USP12: variants seen among roughly 807,000 people sequenced by gnomAD.
USP12 encodes ubiquitin carboxyl-terminal hydrolase 12.
USP12 carries 19 observed loss-of-function variants against 45.5 expected under a neutral mutation model. The ratio of observed to expected loss-of-function variants is 0.42; its 90% CI spans 0.29 to 0.61. USP12 has a LOEUF of 0.61. USP12 is among the 20% of genes least tolerant of loss of function. USP12 has a pLI of 0.22. For synonymous variants in USP12, 149 were observed against 148.8 expected (o/e 1.00, Z -0.01); for missense variants, 242 against 447.7 (o/e 0.54, Z 4.15).
intron 4 of USP12, among the ~76,000 whole-genome samples, chr13:27,094,526 A>C (rs906115017): frequency 6.6e-6 from 1 of 152,150 alleles, no homozygotes; most frequent in Non-Finnish European, 1.5e-5. Context: ...AAATGGAGAA[A>C]CACCACCACC....
chr13:27,151,817 ACAACT>A (rs1877580173), intron 1 of USP12, among the ~76,000 whole-genome samples: 1 of 152,192 alleles, frequency 6.6e-6, no homozygotes, highest in African/African-American at 2.4e-5. Flanking sequence ...CAATTAAAAG[ACAACT>A]CAAAGAACAG....
intron 1 of USP12, among the ~76,000 whole-genome samples, chr13:27,162,549 G>C (rs1270090648): frequency 6.6e-6 from 1 of 152,116 alleles, no homozygotes; most frequent in Non-Finnish European, 1.5e-5. Context: ...ATGACAGATA[G>C]AGAAAGACTA....
At chr13:27,161,799 T>G (rs1397501303) in intron 1 of USP12, among the ~76,000 whole-genome samples, 1 of 151,808 alleles carries the variant, frequency 6.6e-6, no homozygotes, top group Admixed American at 6.6e-5. Context: ...GGAGGATAGC[T>G]TGAGCCCGGG....
intron 1 of USP12, among the ~76,000 whole-genome samples, chr13:27,145,438 C>T (rs1199684282): frequency 6.6e-6 from 1 of 152,180 alleles, no homozygotes; most frequent in African/African-American, 2.4e-5. Context: ...CTTTAGAAAT[C>T]AATCAGTTAG....
chr13:27,144,184 G>A (rs1877199541), intron 1 of USP12, among the ~76,000 whole-genome samples: 1 of 151,782 alleles, frequency 6.6e-6, no homozygotes, highest in African/African-American at 2.4e-5. Flanking sequence ...GGGTGACAGA[G>A]TAAGACTCTG....
intron 1 of USP12, among the ~76,000 whole-genome samples, chr13:27,151,114 A>G (rs1877548764): frequency 6.6e-6 from 1 of 152,158 alleles, no homozygotes; most frequent in Non-Finnish European, 1.5e-5. Flanking sequence ...AGATCACTTG[A>G]GGCCAAGAGT....
At chr13:27,073,201 A>G (rs1873324730) in intron 7 of USP12, among the ~76,000 whole-genome samples, 2 of 151,754 alleles carry the variant, frequency 1.3e-5, no homozygotes, top group Admixed American at 6.6e-5. Context: ...CAGGAGAAAG[A>G]GTAAGACCCT....
intron 4 of USP12, 151 bp from the exon 5 acceptor site, chr13:27,090,309 C>A: frequency 1.7e-6 from 1 of 580,522 alleles, no homozygotes; most frequent in Non-Finnish European, 2.9e-6. Flanking sequence ...TTGGATTATC[C>A]AAAAGGACAC....
chr13:27,109,299 A>G (rs772899656), intron 2 of USP12, among the ~76,000 whole-genome samples: 30 of 152,238 alleles, frequency 2.0e-4, no homozygotes, highest in Non-Finnish European at 3.1e-4. Context: ...GCTCAAGTGA[A>G]CAACTGAATA....
intron 2 of USP12, among the ~76,000 whole-genome samples, chr13:27,107,281 C>T (rs1319689417): frequency 6.6e-6 from 1 of 152,116 alleles, no homozygotes; most frequent in Admixed American, 6.5e-5. Context: ...GCCAAGATCG[C>T]ACCACTGCAC....
chr13:27,143,449 T>C (rs1194641119), intron 1 of USP12, among the ~76,000 whole-genome samples: 2 of 152,060 alleles, frequency 1.3e-5, no homozygotes, highest in African/African-American at 4.8e-5. Context: ...TGCCTACTAA[T>C]AAACATGAAA....
intron 1 of USP12, among the ~76,000 whole-genome samples, chr13:27,126,653 C>T (rs1469032474): frequency 6.6e-6 from 1 of 152,164 alleles, no homozygotes; most frequent in Non-Finnish European, 1.5e-5. Flanking sequence ...CAATAAAACA[C>T]TGCCTCAGTT....
chr13:27,104,211 T>C lies in USP12; in HGVS notation c.343+1520A>G, dbSNP rs1565990748. Among the ~76,000 whole-genome samples, 3 of 152,270 alleles carry C rather than the reference T, an allele frequency of 2.0e-5. No homozygotes were observed. In the South Asian group the frequency reaches 6.2e-4, roughly 32 times the overall value. On this transcript the variant is annotated intron_variant, in intron 3 of 8. Coordinates refer to ENST00000282344, the MANE Select transcript of USP12 (RefSeq NM_182488.4). ...ACATCCGATTAATTTTTAAAATTTTTTGTGAGACAAGGTCTTGCTTTGCTG... is the reference window on the plus strand; with the variant it reads ...ACATCCGATTAATTTTTAAAATTTTCTGTGAGACAAGGTCTTGCTTTGCTG...
At chr13:27,121,300 T>C (rs1875972063) in intron 1 of USP12, among the ~76,000 whole-genome samples, 2 of 149,248 alleles carry the variant, frequency 1.3e-5, no homozygotes, top group Admixed American at 1.3e-4. Context: ...ACTGACTATG[T>C]GATCTTAAAA....
At chr13:27,150,303 C>G (rs1168700134) in intron 1 of USP12, among the ~76,000 whole-genome samples, 1 of 151,912 alleles carries the variant, frequency 6.6e-6, no homozygotes, top group Non-Finnish European at 1.5e-5. Context: ...TAAGACAACT[C>G]CATTCACAGT....
At chr13:27,077,474 G>A (rs2137756735) in intron 6 of USP12, 1 of 152,250 alleles carries the variant, frequency 6.6e-6, no homozygotes, top group East Asian at 1.9e-4. Context: ...GCAGAAAAGA[G>A]AAAATATCTC....
chr13:27,133,717 C>G (rs1355516443), intron 1 of USP12, among the ~76,000 whole-genome samples: 1 of 151,934 alleles, frequency 6.6e-6, no homozygotes, highest in Non-Finnish European at 1.5e-5. Context: ...CATACCAAAG[C>G]AGGTTTCATT....
In USP12 at chr13:27,116,651, T is replaced by C. The variant is rs1411292064; in HGVS notation, c.49-55A>G. 3.9e-6 allele frequency: 6 copies of C among 1,553,374 alleles called. No individual in the cohort carries two copies. The African/African-American group carries it at 8.2e-5, about 21-fold the overall frequency. On this transcript the variant is annotated intron_variant, in intron 1 of 8. Coordinates refer to ENST00000282344, the MANE Select transcript of USP12 (RefSeq NM_182488.4). ...TTTATAGTAGTCATGCACCACATAA[T>C]GACACTTCAGTCAATGACAGGCCGC... is the stretch of plus-strand genomic sequence containing the variant.
Position 27,134,811 on chromosome 13 carries a change from C to CA in USP12, c.49-18216dup, listed in dbSNP as rs202241953. 7.6e-3 allele frequency among the ~76,000 whole-genome samples: 1,156 copies of CA among 151,450 alleles called. 48 individuals are homozygous for CA. Among genetic ancestry groups the CA allele is most frequent in the Admixed American group, 0.068 (1,038 of 15,188 alleles). On this transcript the variant is annotated intron_variant, in intron 1 of 8. Transcript: ENST00000282344. Reference sequence around the variant, plus strand: ...TCTATTAAGTGGGGATATTAGCTAACAAAAAAAATTGTCAATATTATAGAA... The same window carrying CA: ...TCTATTAAGTGGGGATATTAGCTAACAAAAAAAAATTGTCAATATTATAGAA...
Sources: allele counts gnomAD v4.1 joint callset (sites outside exome capture counted in the v4.1 genomes callset), GRCh38; gene constraint gnomAD v4.1.1; transcripts MANE v1.5; gene names NCBI Gene and HGNC (gene_info 2026-07-23, HGNC 2026-07-21).